The following SWT1 variants were observed in gnomAD, a reference collection of about 807,000 sequenced individuals.
SWT1 encodes SWT1 RNA endoribonuclease homolog, also known as transcriptional protein SWT1.
Under a neutral mutation model 107.3 loss-of-function variants are expected in SWT1, and 33 were observed. That is an observed-to-expected ratio of 0.31 (90% CI 0.23 to 0.41). The LOEUF is 0.41. Among genes scored for constraint, SWT1 ranks in the 10% least tolerant of loss-of-function variants. SWT1 has a pLI of 1.00. For missense variants in SWT1, 898 were observed against 1,028.9 expected (o/e 0.87, Z 1.74); for synonymous variants, 345 against 348.3 (o/e 0.99, Z 0.11).
At chr1:185,196,183 A>G (rs1202571718) in intron 10 of SWT1, among the ~76,000 whole-genome samples, 1 of 152,204 alleles carries the variant, frequency 6.6e-6, no homozygotes, top group Non-Finnish European at 1.5e-5. Context: ...GGTGTAAGGA[A>G]GGGTTCCAGT....
intron 13 of SWT1, among the ~76,000 whole-genome samples, chr1:185,210,445 T>A (rs1201809625): frequency 6.6e-6 from 1 of 152,134 alleles, no homozygotes; most frequent in Non-Finnish European, 1.5e-5. Context: ...CATATGGCTA[T>A]CCAGTTTTCC....
chr1:185,274,341 A>G (rs941637055), intron 17 of SWT1, among the ~76,000 whole-genome samples: 26 of 148,942 alleles, frequency 1.7e-4, no homozygotes, highest in African/African-American at 6.4e-4. Context: ...TGTCAGATAT[A>G]TATATATTTG....
intron 16 of SWT1, among the ~76,000 whole-genome samples, chr1:185,255,150 T>C (rs1458728470): frequency 6.6e-6 from 1 of 152,214 alleles, no homozygotes; most frequent in Non-Finnish European, 1.5e-5. Flanking sequence ...AGAGACAGTT[T>C]GTTATAATTT....
chr1:185,231,790 C>G, intron 16 of SWT1, 82 bp downstream of exon 16: 1 of 1,078,152 alleles, frequency 9.3e-7, no homozygotes, highest in Non-Finnish European at 1.4e-6. Context: ...TTCAGAGTTG[C>G]TAGGAGTCAC....
At chr1:185,256,673 T>C (rs1317011698) in intron 16 of SWT1, among the ~76,000 whole-genome samples, 2 of 149,758 alleles carry the variant, frequency 1.3e-5, no homozygotes, top group African/African-American at 5.0e-5. Flanking sequence ...ATTCTAGTTA[T>C]ACATTCTTTT....
chr1:185,225,895 T>C (rs888435504), intron 15 of SWT1, among the ~76,000 whole-genome samples: 1 of 152,210 alleles, frequency 6.6e-6, no homozygotes, highest in Non-Finnish European at 1.5e-5. Context: ...TTAGTGTGCA[T>C]AAACATAAAC....
chr1:185,213,620 A>G (rs1003993632), intron 13 of SWT1, among the ~76,000 whole-genome samples: 5 of 152,198 alleles, frequency 3.3e-5, no homozygotes, highest in African/African-American at 7.2e-5. Flanking sequence ...TCAGAATACA[A>G]TAGAGTCTCT....
chr1:185,166,740 T>C (rs1278227827), intron 3 of SWT1, 88 bp downstream of exon 3: 3 of 792,252 alleles, frequency 3.8e-6, no homozygotes, highest in Non-Finnish European at 6.1e-6. Context: ...CCTATACTTT[T>C]TGATAGCCAA....
intron 16 of SWT1, among the ~76,000 whole-genome samples, chr1:185,242,351 G>T (rs139124096): frequency 2.3e-4 from 35 of 152,252 alleles, no homozygotes; most frequent in African/African-American, 7.2e-4. Flanking sequence ...ACCTGGGTCT[G>T]TATGTTACTG....
chr1:185,195,934 C>T (rs1657347852), intron 10 of SWT1, among the ~76,000 whole-genome samples: 1 of 151,832 alleles, frequency 6.6e-6, no homozygotes, highest in African/African-American at 2.4e-5. Context: ...TTCTCACATT[C>T]TGTAGGTTGC....
chr1:185,176,415 G>C (rs529453175), intron 5 of SWT1: 2 of 222,624 alleles, frequency 9.0e-6, no homozygotes, highest in Non-Finnish European at 1.5e-5. Context: ...GAGAAGCCGG[G>C]ATATTTTAGG....
chr1:185,242,216 G>A (rs911592632), intron 16 of SWT1, among the ~76,000 whole-genome samples: 1 of 152,122 alleles, frequency 6.6e-6, no homozygotes, highest in African/African-American at 2.4e-5. Context: ...GACAAGCACA[G>A]TTAATGTGTA....
rs1571543859 is a variant in SWT1 at position 185,222,052 on chromosome 1, G to A, written c.2309+16G>A. On this transcript the variant is annotated intron_variant, in intron 15 of 18. Coordinates refer to ENST00000367500, the MANE Select transcript of SWT1 (RefSeq NM_017673.7). ...ATCAGAACAGGTACTAAATTTGGGG[G>A]AATTTTTTTTTAGTTATTTTTTAAA... is the stretch of plus-strand genomic sequence containing the variant. The A allele has an allele frequency of 2.1e-6, 3 of 1,457,334 alleles. No individual in the cohort carries two copies. The highest frequency in any genetic ancestry group is 2.5e-5 in the East Asian group (1 of 39,630). The allele number at this position is 1,457,334 out of a possible 1,614,324, so 90.3% of individuals were successfully genotyped here.
intron 16 of SWT1, among the ~76,000 whole-genome samples, chr1:185,261,108 C>A (rs1227235160): frequency 1.3e-5 from 2 of 152,020 alleles, no homozygotes. Flanking sequence ...CTGCTGTCAC[C>A]ACTATCTATC....
At chr1:185,253,466 T>C (rs1315682376) in intron 16 of SWT1, among the ~76,000 whole-genome samples, 203 of 151,512 alleles carry the variant, frequency 1.3e-3, no homozygotes, top group African/African-American at 4.6e-3. Flanking sequence ...CCTTGAGCAG[T>C]GGTTTGTAGT....
intron 13 of SWT1, among the ~76,000 whole-genome samples, chr1:185,213,071 C>A (rs533197228): frequency 7.8e-4 from 118 of 152,086 alleles, no homozygotes; most frequent in African/African-American, 2.7e-3. Context: ...ATGTAGATTT[C>A]TTTTTTTGTT....
intron 16 of SWT1, among the ~76,000 whole-genome samples, chr1:185,243,282 G>T (rs549754559): frequency 6.6e-6 from 1 of 152,042 alleles, no homozygotes; most frequent in East Asian, 1.9e-4. Flanking sequence ...CCTATTTTTT[G>T]TACTTTTTGT....
In SWT1 at chr1:185,212,725, C is replaced by T. The variant is rs374612261; in HGVS notation, c.1973-1782C>T. 1.5e-3 allele frequency among the ~76,000 whole-genome samples: 232 copies of T among 151,868 alleles called. 14 individuals carry two copies. The South Asian group carries it at 0.037, about 24-fold the overall frequency. Reference sequence around the variant, plus strand: ...GGCTGAGGGAGGAGAATCACTTGAACCCGGGAGGTGGAGGTTGCAGTGAGC... The same window carrying T: ...GGCTGAGGGAGGAGAATCACTTGAATCCGGGAGGTGGAGGTTGCAGTGAGC... On this transcript the variant is annotated intron_variant, in intron 13 of 18. Transcript: ENST00000367500.
Position 185,261,146 on chromosome 1 carries a change from T to C in SWT1, c.2442-10177T>C, listed in dbSNP as rs140317988. On this transcript the variant is annotated intron_variant, in intron 16 of 18. Coordinates refer to ENST00000367500, the MANE Select transcript of SWT1 (RefSeq NM_017673.7). ...CAGAATTCTTTTCATCTCGTAAAAC[T>C]GAAACTCTGTACCCATTATATTAAC... 1.3e-4 allele frequency among the ~76,000 whole-genome samples: 20 copies of C among 152,266 alleles called. No individual in the cohort carries two copies. The East Asian group carries it at 3.5e-3, about 26-fold the overall frequency.
Sources: gnomAD v4.1 joint callset for allele counts (sites outside exome capture counted in the v4.1 genomes callset) on GRCh38, gnomAD v4.1.1 for gene constraint, MANE v1.5 for transcripts, NCBI Gene and HGNC (gene_info 2026-07-23, HGNC 2026-07-21) for gene names.